Variants in RALB observed in about 807,000 individuals in gnomAD.
RALB encodes RAS like proto-oncogene B.
RALB carries 16 observed loss-of-function variants against 21.3 expected under a neutral mutation model. That is an observed-to-expected ratio of 0.75 (90% CI 0.51 to 1.14). The LOEUF (loss-of-function observed/expected upper bound fraction) is 1.14, where lower values mean the gene tolerates loss of function less well. Ranked by LOEUF, RALB falls within the 50% of genes most tolerant of loss-of-function variation. The pLI, the probability that RALB is intolerant of heterozygous loss-of-function variation, is 0.00. For missense variants in RALB, 161 were observed against 256.2 expected, an observed-to-expected ratio of 0.63 and a Z score of 2.54; for synonymous variants, 93 against 96.1, an observed-to-expected ratio of 0.97 and a Z score of 0.19.
At chr2:120,271,670 G>A (rs1689668474) in intron 1 of RALB, among the ~76,000 whole-genome samples, 1 of 152,122 alleles carries the variant, frequency 6.6e-6, no homozygotes, top group South Asian at 2.1e-4. Flanking sequence ...TGCCTTTGTT[G>A]CTTTGCACAT....
At chr2:120,281,936 T>G (rs560377989) in intron 2 of RALB, among the ~76,000 whole-genome samples, 1 of 152,240 alleles carries the variant, frequency 6.6e-6, no homozygotes, top group South Asian at 2.1e-4. Context: ...CCTGGAGACA[T>G]TTTTGGCCAT....
chr2:120,269,474 G>A (rs1689602068), intron 1 of RALB, among the ~76,000 whole-genome samples: 1 of 147,962 alleles, frequency 6.8e-6, no homozygotes, highest in Non-Finnish European at 1.5e-5. Flanking sequence ...CCACACCCAT[G>A]TCCTGCTGAT....
chr2:120,254,144 G>C (rs968956269), intron 1 of RALB, among the ~76,000 whole-genome samples: 2 of 152,214 alleles, frequency 1.3e-5, no homozygotes, highest in African/African-American at 4.8e-5. Flanking sequence ...TTGAAGACCT[G>C]GGTTTGATGC....
chr2:120,250,765 GC>G (rs1689039769), upstream of RALB, among the ~76,000 whole-genome samples: 1 of 152,286 alleles, frequency 6.6e-6, no homozygotes, highest in East Asian at 1.9e-4. Context: ...CACCTTAGAG[GC>G]AGCTGAGGCT....
rs193018657 is a variant in RALB at position 120,266,321 on chromosome 2, T to G, written c.-47-12297T>G. On this transcript the variant is annotated intron_variant, in intron 1 of 4. Transcript: ENST00000272519. Reference sequence around the variant, plus strand: ...GTGCAGTGGCGCGATCTCGGCTCACTGCAACCTCCACCTCCCGGGTTCAAG... The same window carrying G: ...GTGCAGTGGCGCGATCTCGGCTCACGGCAACCTCCACCTCCCGGGTTCAAG... 7.4e-3 allele frequency among the ~76,000 whole-genome samples: 1,129 copies of G among 152,310 alleles called. 8 individuals carry two copies. Among genetic ancestry groups the G allele is most frequent in the African/African-American group, 0.026 (1,084 of 41,570 alleles).
rs1011620781 is a variant in RALB at position 120,253,030 on chromosome 2, G to A, written c.-48+50G>A. ...CCGGGCGGGGTGGGGCGCGGGCTGG[G>A]GAGTGGGGTACGCCGCACGCCCGCA... On this transcript the variant is annotated intron_variant, in intron 1 of 4. Transcript: ENST00000272519. 6.2e-6 allele frequency: 6 copies of A among 960,448 alleles called. No individual in the cohort carries two copies. In the African/African-American group the frequency reaches 1.1e-4, roughly 17 times the overall value. The allele number at this position is 960,448 out of a possible 1,614,324, so 59.5% of individuals were successfully genotyped here. A position where few individuals can be genotyped will look rare whatever the true frequency, so the allele number is the denominator to read the frequency against.
chr2:120,280,363 A>G (rs183380819), intron 2 of RALB, among the ~76,000 whole-genome samples: 3 of 152,342 alleles, frequency 2.0e-5, no homozygotes, highest in African/African-American at 7.2e-5. Context: ...ACCATGGAAT[A>G]CTATGCAGCC....
intron 1 of RALB, among the ~76,000 whole-genome samples, chr2:120,267,434 A>G (rs1047007668): frequency 4.6e-5 from 7 of 152,124 alleles, no homozygotes; most frequent in Non-Finnish European, 8.8e-5. Context: ...GCATATGAAC[A>G]TTTTCCATTC....
intron 1 of RALB, among the ~76,000 whole-genome samples, chr2:120,259,934 A>G (rs1056839540): frequency 6.6e-6 from 1 of 152,198 alleles, no homozygotes; most frequent in Non-Finnish European, 1.5e-5. Context: ...AATCGAGCGC[A>G]GTGCCGGTGG....
upstream of RALB, among the ~76,000 whole-genome samples, chr2:120,252,585 A>G (rs1449713403): frequency 6.6e-6 from 1 of 152,162 alleles, no homozygotes; most frequent in Non-Finnish European, 1.5e-5. Context: ...CCACTGCCGC[A>G]GGGTTACCAG....
At chr2:120,262,361 A>T (rs1689387205) in intron 1 of RALB, among the ~76,000 whole-genome samples, 1 of 152,188 alleles carries the variant, frequency 6.6e-6, no homozygotes, top group African/African-American at 2.4e-5. Context: ...CCCAGGGCAC[A>T]CCCAGGTCTC....
chr2:120,259,140 A>G (rs951725988), intron 1 of RALB, among the ~76,000 whole-genome samples: 1 of 152,186 alleles, frequency 6.6e-6, no homozygotes, highest in Admixed American at 6.5e-5. Flanking sequence ...GCGTGGACCC[A>G]AAGAGTGAGC....
At chr2:120,280,833 AGG>A in intron 2 of RALB, 1 of 433,352 alleles carries the variant, frequency 2.3e-6, no homozygotes, top group Non-Finnish European at 4.5e-6. Flanking sequence ...TATTCTCTAT[AGG>A]AATGTTTCAA....
chr2:120,242,703 A>T (rs1199981625), intron 1 of RALB, among the ~76,000 whole-genome samples: 1 of 152,188 alleles, frequency 6.6e-6, no homozygotes, highest in Non-Finnish European at 1.5e-5. Context: ...GCACCACTGC[A>T]CTCCAGCCTG....
intron 1 of RALB, among the ~76,000 whole-genome samples, chr2:120,262,587 A>G (rs1440787305): frequency 2.6e-5 from 4 of 152,130 alleles, no homozygotes; most frequent in Non-Finnish European, 5.9e-5. Context: ...GCTCCCCTTA[A>G]GAGGAGGGTG....
At chr2:120,274,967 C>T (rs1440393365) in intron 1 of RALB, among the ~76,000 whole-genome samples, 1 of 152,232 alleles carries the variant, frequency 6.6e-6, no homozygotes, top group Non-Finnish European at 1.5e-5. Flanking sequence ...CCCGAACACT[C>T]ATTGCCCCTT....
chr2:120,240,263 T>C (rs1688870724), intron 1 of RALB: 3 of 635,260 alleles, frequency 4.7e-6, no homozygotes, highest in Non-Finnish European at 4.5e-6. Flanking sequence ...CATGTACTCA[T>C]GGAGCTGCTA....
At chr2:120,240,965 A>C (rs995158043) in intron 1 of RALB, among the ~76,000 whole-genome samples, 3 of 152,192 alleles carry the variant, frequency 2.0e-5, no homozygotes, top group African/African-American at 7.2e-5. Context: ...TGGGAACAGA[A>C]GCAAAGTCGG....
At chr2:120,260,457 G>A (rs1689334357) in intron 1 of RALB, among the ~76,000 whole-genome samples, 1 of 152,242 alleles carries the variant, frequency 6.6e-6, no homozygotes, top group African/African-American at 2.4e-5. Flanking sequence ...AAGGCTGTGA[G>A]CCTGGGGCCA....
Sources: allele counts gnomAD v4.1 joint callset (sites outside exome capture counted in the v4.1 genomes callset), GRCh38; gene constraint gnomAD v4.1.1; transcripts MANE v1.5; gene names NCBI Gene and HGNC (gene_info 2026-07-23, HGNC 2026-07-21).